SESN1: variants seen among roughly 807,000 people sequenced by gnomAD.
The protein encoded by SESN1 is sestrin 1.
A neutral mutation model predicts 59.3 loss-of-function variants in SESN1; 30 were observed. That is an observed-to-expected ratio of 0.51 (90% CI 0.38 to 0.69). The LOEUF (loss-of-function observed/expected upper bound fraction) is 0.69, where lower values mean the gene tolerates loss of function less well. Ranked by LOEUF, SESN1 falls within the 30% of genes least tolerant of loss-of-function variation. SESN1 has a pLI of 0.00. For missense variants in SESN1, 566 were observed against 673.0 expected (o/e 0.84, Z 1.76); for synonymous variants, 197 against 219.9 (o/e 0.90, Z 0.92).
rs377037900 is a variant in SESN1, at chr6:109,083,403, T to G, written c.279+10392A>C. ...TTAAGTGAAATACATAGCCTTTTCT[T>G]TCCCATGTCAAAAAATAGATAAGCA... On this transcript the variant is annotated intron_variant, in intron 1 of 9. Coordinates refer to ENST00000436639, the MANE Select transcript of SESN1 (RefSeq NM_014454.3). 1.2e-4 allele frequency among the ~76,000 whole-genome samples: 18 copies of G among 152,346 alleles called. No homozygotes were observed. The East Asian group carries it at 1.3e-3, about 11-fold the overall frequency.
intron 1 of SESN1, among the ~76,000 whole-genome samples, chr6:109,020,723 T>G (rs933775019): frequency 1.3e-5 from 2 of 152,200 alleles, no homozygotes; most frequent in Admixed American, 6.5e-5. Flanking sequence ...ACCTCAGATT[T>G]GCTCAAACTG....
At chr6:109,026,873 C>T (rs894096149) in intron 1 of SESN1, among the ~76,000 whole-genome samples, 15 of 151,974 alleles carry the variant, frequency 9.9e-5, no homozygotes, top group African/African-American at 3.6e-4. Context: ...TATCACCCAT[C>T]AGTGTATAAG....
chr6:109,094,001 A>G lies in SESN1; in HGVS notation c.73T>C (p.Leu25=), dbSNP rs374333723. Residue 25 remains leucine (L), a synonymous_variant, in exon 1 of 10, where the codon TTG becomes CTG. Transcript: ENST00000436639. ...SRDSTTRETA[L]ENIRQTILRK... ...AAAATGGTTTGCCTAATGTTTTCCA[A>G]TGCTGTCTCCCTAGTAGTTGAATCT... The G allele has an allele frequency of 1.2e-5, 20 of 1,614,050 alleles. No individual in the cohort carries two copies. The highest frequency in any genetic ancestry group is 1.7e-5 in the Non-Finnish European group (20 of 1,180,030).
At chr6:109,059,563 A>T (rs1437871275) in intron 1 of SESN1, 2 of 152,138 alleles carry the variant, frequency 1.3e-5, no homozygotes, top group African/African-American at 4.8e-5. Context: ...GGGGCATGCT[A>T]ATTTTCTCTG....
chr6:109,071,997 C>T (rs1780943576), intron 1 of SESN1, among the ~76,000 whole-genome samples: 1 of 152,174 alleles, frequency 6.6e-6, no homozygotes. Context: ...GTTTTGCATG[C>T]AGCTTAAGGG....
rs779366759 is a variant in SESN1 at position 109,022,411 on chromosome 6, C to CTTTTTT, written c.280-20074_280-20069dup. On this transcript the variant is annotated intron_variant, in intron 1 of 9. Coordinates refer to ENST00000436639, the MANE Select transcript of SESN1 (RefSeq NM_014454.3). ...GTATGCATCAGGCATTGTTCTAAAG[C>CTTTTTT]TTTTTTTTTTTTTTTTTTTTTTTTT... 4.1e-4 allele frequency among the ~76,000 whole-genome samples: 27 copies of CTTTTTT among 65,882 alleles called. 1 individual carries two copies. Among genetic ancestry groups the CTTTTTT allele is most frequent in the Admixed American group, 5.8e-4 (3 of 5,182 alleles). The allele number at this position is 65,882 out of a possible 152,430, so 43.2% of individuals were successfully genotyped here.
chr6:109,060,186 C>A (rs928878150), intron 1 of SESN1, among the ~76,000 whole-genome samples: 1 of 151,980 alleles, frequency 6.6e-6, no homozygotes, highest in Non-Finnish European at 1.5e-5. Context: ...AAAAGCCACA[C>A]CACTAAATAA....
intron 1 of SESN1, among the ~76,000 whole-genome samples, chr6:109,043,134 T>G (rs1327697104): frequency 2.0e-5 from 3 of 152,122 alleles, no homozygotes; most frequent in African/African-American, 7.2e-5. Flanking sequence ...TTGAGTAAAT[T>G]TAACACTCAT....
chr6:108,992,529 G>C (rs1779407339), intron 7 of SESN1, among the ~76,000 whole-genome samples: 1 of 152,118 alleles, frequency 6.6e-6, no homozygotes, highest in South Asian at 2.1e-4. Context: ...GGAACGCTGG[G>C]AGTATCAACT....
In SESN1 at chr6:109,025,634, C is replaced by A. The variant is rs137899517; in HGVS notation, c.280-23291G>T. Among the ~76,000 whole-genome samples, 264 of 150,666 alleles carry A rather than the reference C, an allele frequency of 1.8e-3. 2 individuals are homozygous for A. The highest frequency in any genetic ancestry group is 6.2e-3 in the African/African-American group (254 of 40,902). ...GTATGGGTGAGAAACAGGAAACTAT[C>A]AAAAAATAACTAGACAGATTTGAAA... On this transcript the variant is annotated intron_variant, in intron 1 of 9. Transcript: ENST00000436639.
Position 108,998,775 on chromosome 6 carries a change from AG to A in SESN1, c.730-21del. The A allele has an allele frequency of 6.3e-7, 1 of 1,589,876 alleles. No individual in the cohort carries two copies. The highest frequency in any genetic ancestry group is 8.6e-7 in the Non-Finnish European group (1 of 1,166,468). Reference sequence around the variant, plus strand: ...AAGTCCCTTAGGGGGAAAAAAAAAAAGAATATATTTTTGTACTGGGGTGTGG... The same window carrying A: ...AAGTCCCTTAGGGGGAAAAAAAAAAAAATATATTTTTGTACTGGGGTGTGG... On this transcript the variant is annotated intron_variant, in intron 4 of 9. Transcript: ENST00000436639.
At chr6:109,085,614 T>G (rs886392461) in intron 1 of SESN1, among the ~76,000 whole-genome samples, 1 of 152,184 alleles carries the variant, frequency 6.6e-6, no homozygotes, top group African/African-American at 2.4e-5. Flanking sequence ...GCCAGCCTAA[T>G]TAAAGTACTA....
At chr6:109,049,018 T>C (rs556480725) in intron 1 of SESN1, among the ~76,000 whole-genome samples, 1 of 152,196 alleles carries the variant, frequency 6.6e-6, no homozygotes, top group Non-Finnish European at 1.5e-5. Flanking sequence ...CGCTTCTTTG[T>C]ACAGAGCTAG....
chr6:109,013,056 C>T (rs1034572448), intron 1 of SESN1, among the ~76,000 whole-genome samples: 1 of 148,720 alleles, frequency 6.7e-6, no homozygotes, highest in African/African-American at 2.5e-5. Context: ...GCAGAGGTTG[C>T]GATGAGCCAA....
intron 1 of SESN1, among the ~76,000 whole-genome samples, chr6:109,047,463 A>T (rs1261358964): frequency 1.7e-5 from 2 of 117,850 alleles, no homozygotes; most frequent in Non-Finnish European, 3.7e-5. Context: ...CCCATCCGGG[A>T]GGGAGGTGGG....
At chr6:109,016,113 G>A (rs1583273482) in intron 1 of SESN1, among the ~76,000 whole-genome samples, 1 of 152,236 alleles carries the variant, frequency 6.6e-6, no homozygotes, top group East Asian at 1.9e-4. Flanking sequence ...ATTTTTACCC[G>A]TGGTTAAAAT....
At chr6:109,072,283 T>C (rs1780952223) in intron 1 of SESN1, among the ~76,000 whole-genome samples, 1 of 152,218 alleles carries the variant, frequency 6.6e-6, no homozygotes, top group South Asian at 2.1e-4. Flanking sequence ...AAAGGCAAGT[T>C]TCAATGATAG....
chr6:109,014,791 A>T (rs1164974551), intron 1 of SESN1, among the ~76,000 whole-genome samples: 2 of 152,092 alleles, frequency 1.3e-5, no homozygotes, highest in Non-Finnish European at 2.9e-5. Context: ...TCTCATCTGA[A>T]TCTACCCAAC....
At chr6:109,088,303 A>G (rs1294788044) in intron 1 of SESN1, 1 of 152,134 alleles carries the variant, frequency 6.6e-6, no homozygotes, top group Non-Finnish European at 1.5e-5. Context: ...CCAATGAATC[A>G]ATCAAGCTTG....
Sources: allele counts gnomAD v4.1 joint callset (sites outside exome capture counted in the v4.1 genomes callset), GRCh38; gene constraint gnomAD v4.1.1; transcripts MANE v1.5; gene names NCBI Gene and HGNC (gene_info 2026-07-23, HGNC 2026-07-21).